The following TRPM6 variants were observed in gnomAD, a reference collection of about 807,000 sequenced individuals.
The protein encoded by TRPM6 is channel kinase 2.
In TRPM6, 111 loss-of-function variants were observed where a neutral mutation model predicts 247.6. The ratio of observed to expected loss-of-function variants is 0.45; its 90% confidence interval spans 0.38 to 0.52. TRPM6 has a LOEUF of 0.52. Ranked by LOEUF, TRPM6 falls within the 20% of genes least tolerant of loss-of-function variation. The pLI, the probability that TRPM6 is intolerant of heterozygous loss-of-function variation, is 0.00. For synonymous variants in TRPM6, 892 were observed against 853.8 expected (o/e 1.04, Z -0.78); for missense variants, 2,126 against 2,421.5 (o/e 0.88, Z 2.56).
At chr9:74,792,914 T>C in intron 18 of TRPM6, 144 bp from the exon 19 acceptor site, 1 of 796,676 alleles carries the variant, frequency 1.3e-6, no homozygotes, top group Middle Eastern at 3.6e-4. Context: ...CCCAGCACTT[T>C]GGGAGGCCAA....
At chr9:74,868,268 G>A (rs562315234) in intron 1 of TRPM6, among the ~76,000 whole-genome samples, 2 of 151,516 alleles carry the variant, frequency 1.3e-5, no homozygotes, top group South Asian at 4.2e-4. Context: ...GCCGAGGCAG[G>A]TGGATCACCT....
At chr9:74,839,184 C>G (rs1829832798) in intron 5 of TRPM6, among the ~76,000 whole-genome samples, 1 of 151,688 alleles carries the variant, frequency 6.6e-6, no homozygotes, top group Non-Finnish European at 1.5e-5. Flanking sequence ...TTTATGGAAT[C>G]ACTAGTTCTC....
Position 74,771,742 on chromosome 9 carries a change from T to C in TRPM6, c.3497A>G (p.Asn1166Ser). The C allele has an allele frequency of 6.2e-7, 1 of 1,614,004 alleles. No homozygotes were observed. Among genetic ancestry groups the C allele is most frequent in the Non-Finnish European group, 8.5e-7 (1 of 1,179,968 alleles). Residue 1166 changes from asparagine (N) to serine (S), a missense_variant, in exon 25 of 39, where the codon AAT (asparagine) becomes AGT (serine). By Grantham distance (46) the Asn-to-Ser change is conservative (BLOSUM62 1). This residue lies in a region of TRPM6 where 717 missense variants were observed against 715.9 expected (regional missense o/e 1.00). Transcript: ENST00000360774. The part of the protein sequence containing the change: ...KYFHEKMEDV[N>S]CSCEERIRVT... ...TCGGATTCGTTCCTCACAACTACAA[T>C]TCACATCTTCCATCTTCTCATGGAA...
intron 6 of TRPM6, among the ~76,000 whole-genome samples, chr9:74,831,230 G>A (rs987889710): frequency 6.6e-6 from 1 of 152,024 alleles, no homozygotes; most frequent in African/African-American, 2.4e-5. Context: ...AGTGGCTCCC[G>A]CCTGTAATCC....
chr9:74,823,268 TC>T (rs1302601933), intron 7 of TRPM6, among the ~76,000 whole-genome samples: 1 of 152,106 alleles, frequency 6.6e-6, no homozygotes, highest in African/African-American at 2.4e-5. Flanking sequence ...CTGTGCTCCC[TC>T]CCCAGCTTAC....
intron 3 of TRPM6, among the ~76,000 whole-genome samples, chr9:74,843,814 C>CAAA (rs542444347): frequency 1.6e-5 from 1 of 62,382 alleles, no homozygotes; most frequent in South Asian, 5.7e-4. Flanking sequence ...GACTCCATCT[C>CAAA]AAAAAAAAAA....
Position 74,792,671 on chromosome 9 carries a change from C to T in TRPM6, c.2491G>A (p.Val831Ile), listed in dbSNP as rs771623981. The T allele has an allele frequency of 1.2e-6, 2 of 1,614,030 alleles. No individual in the cohort carries two copies. The highest frequency in any genetic ancestry group is 1.3e-5 in the African/African-American group (1 of 74,928). Residue 831 changes from valine (V) to isoleucine (I), a missense_variant, in exon 19 of 39, where the codon GTC (valine) becomes ATC (isoleucine). Physicochemically the swap from Val to Ile is conservative, Grantham distance 29 (BLOSUM62 3). Coordinates refer to ENST00000360774, the MANE Select transcript of TRPM6 (RefSeq NM_017662.5). ...ATTGGAGCACTGTAGAACTCATAGA[C>T]TTTCCTGGTCCACGGAAGGTGTTGG... ...GHQHLPWTRK[V>I]YEFYSAPIVK...
At chr9:74,824,194 A>G (rs1829242790) in intron 7 of TRPM6, among the ~76,000 whole-genome samples, 1 of 151,162 alleles carries the variant, frequency 6.6e-6, no homozygotes, top group Non-Finnish European at 1.5e-5. Context: ...TTTGTTGCCC[A>G]GGCTGGAGTG....
chr9:74,802,464 T>A (rs938936864), intron 15 of TRPM6, among the ~76,000 whole-genome samples: 1 of 152,144 alleles, frequency 6.6e-6, no homozygotes, highest in Non-Finnish European at 1.5e-5. Context: ...TTAATTGAAT[T>A]TGAAAGATGG....
intron 6 of TRPM6, among the ~76,000 whole-genome samples, chr9:74,829,091 G>A (rs1166441018): frequency 2.0e-4 from 31 of 152,008 alleles, no homozygotes; most frequent in Admixed American, 2.0e-3. Flanking sequence ...TTAGGAGTTC[G>A]AGACCAGCCT....
chr9:74,855,960 A>G (rs889782165), intron 2 of TRPM6, among the ~76,000 whole-genome samples: 2 of 152,230 alleles, frequency 1.3e-5, no homozygotes, highest in Non-Finnish European at 2.9e-5. Flanking sequence ...TATTATTATT[A>G]AACTATGAAG....
At chr9:74,855,183 A>G (rs1830486571) in intron 3 of TRPM6, among the ~76,000 whole-genome samples, 1 of 152,226 alleles carries the variant, frequency 6.6e-6, no homozygotes, top group African/African-American at 2.4e-5. Flanking sequence ...GTATGCATAC[A>G]AGGCACCTGC....
chr9:74,745,456 T>TGTGTGC (rs1025978377), intron 31 of TRPM6, among the ~76,000 whole-genome samples: 7 of 150,318 alleles, frequency 4.7e-5, no homozygotes, highest in African/African-American at 1.8e-4. Flanking sequence ...AGTGTGTGTG[T>TGTGTGC]GTGTGCGTGT....
chr9:74,776,752 C>T (rs1180643518), intron 23 of TRPM6, among the ~76,000 whole-genome samples: 1 of 152,118 alleles, frequency 6.6e-6, no homozygotes, highest in Non-Finnish European at 1.5e-5. Flanking sequence ...ATATACCATC[C>T]TTAACTACTT....
rs187681265 is a variant in TRPM6, at chr9:74,868,358, G to C, written c.34-9610C>G. On this transcript the variant is annotated intron_variant, in intron 1 of 38. Coordinates refer to ENST00000360774, the MANE Select transcript of TRPM6 (RefSeq NM_017662.5). ...GAAAATACAAAAATTAGCTGGGCATGGTGGTGCATGCCTGTAATCCCAGCT... is the reference window on the plus strand; with the variant it reads ...GAAAATACAAAAATTAGCTGGGCATCGTGGTGCATGCCTGTAATCCCAGCT... Among the ~76,000 whole-genome samples, 4 of 151,992 alleles carry C rather than the reference G, an allele frequency of 2.6e-5. No homozygotes were observed. In the East Asian group the frequency reaches 7.8e-4, roughly 29 times the overall value.
intron 17 of TRPM6, among the ~76,000 whole-genome samples, chr9:74,797,537 T>C (rs1442464175): frequency 6.6e-6 from 1 of 152,238 alleles, no homozygotes; most frequent in Non-Finnish European, 1.5e-5. Flanking sequence ...ACTTTTATTG[T>C]ATTGTTATTT....
intron 27 of TRPM6, among the ~76,000 whole-genome samples, chr9:74,759,812 G>A (rs947546797): frequency 3.3e-5 from 5 of 151,856 alleles, no homozygotes; most frequent in Admixed American, 2.0e-4. Flanking sequence ...GGACGTTTAC[G>A]AAAATTAAAA....
Position 74,842,211 on chromosome 9 carries a change from A to G in TRPM6, c.285T>C (p.Phe95=), listed in dbSNP as rs1829964871. 6.2e-7 allele frequency: 1 copy of G among 1,613,804 alleles called. No homozygotes were observed. The highest frequency in any genetic ancestry group is 1.3e-5 in the African/African-American group (1 of 74,848). ...KHTTKSPTDT[F]GTINFQDGEH... is the part of the protein sequence containing the mutation. ...CTCCATCTTGGAAATTAATCGTGCC[A>G]AAAGTATCTGTTGGGCTTTTCGTTG... Residue 95 remains phenylalanine (F), a synonymous_variant, in exon 4 of 39, where the codon TTT becomes TTC. Coordinates refer to ENST00000360774, the MANE Select transcript of TRPM6 (RefSeq NM_017662.5).
intron 28 of TRPM6, among the ~76,000 whole-genome samples, chr9:74,753,508 T>A (rs915700905): frequency 1.6e-4 from 24 of 152,052 alleles, no homozygotes; most frequent in African/African-American, 5.8e-4. Context: ...CCAGCCTGGG[T>A]AACATAGTGA....
Sources: gnomAD v4.1 joint callset for allele counts (sites outside exome capture counted in the v4.1 genomes callset) on GRCh38, gnomAD v4.1.1 for gene constraint, gnomAD v4.1.1 regional missense constraint, MANE v1.5 for transcripts, NCBI Gene and HGNC (gene_info 2026-07-23, HGNC 2026-07-21) for gene names.